RALY: variants seen among roughly 807,000 people sequenced by gnomAD.
The protein encoded by RALY is RALY heterogeneous nuclear ribonucleoprotein, also known as RNA-binding protein Raly.
A neutral mutation model predicts 30.7 loss-of-function variants in RALY; 15 were observed. That is an observed-to-expected ratio of 0.49 (90% CI 0.33 to 0.75). The LOEUF is 0.75. Ranked by LOEUF, RALY falls within the 30% of genes least tolerant of loss-of-function variation. The pLI is 0.02. For missense variants in RALY, 339 were observed against 414.3 expected (o/e 0.82, Z 1.58); for synonymous variants, 177 against 170.8 (o/e 1.04, Z -0.28).
intron 6 of RALY, chr20:34,076,338 A>G (rs1183852916): frequency 5.9e-6 from 3 of 504,744 alleles, no homozygotes; most frequent in African/African-American, 5.8e-5. Context: ...CTCCACATTC[A>G]CTCTGGTACA....
At chr20:34,020,741 T>G (rs2031788153) in intron 1 of RALY, among the ~76,000 whole-genome samples, 1 of 152,212 alleles carries the variant, frequency 6.6e-6, no homozygotes, top group Admixed American at 6.5e-5. Context: ...CAAAGCCTAA[T>G]TACTATCTGA....
intron 2 of RALY, among the ~76,000 whole-genome samples, chr20:34,068,103 T>G (rs1393206017): frequency 6.6e-6 from 1 of 152,048 alleles, no homozygotes; most frequent in Non-Finnish European, 1.5e-5. Context: ...TAGGAATAAA[T>G]TTGCTTCTCT....
chr20:34,056,820 A>G (rs1381046740), intron 2 of RALY, among the ~76,000 whole-genome samples: 1 of 152,230 alleles, frequency 6.6e-6, no homozygotes. Flanking sequence ...TTCATTGGAG[A>G]TAACAGTGTA....
chr20:34,006,890 A>AT (rs535334174), intron 1 of RALY, among the ~76,000 whole-genome samples: 89 of 152,358 alleles, frequency 5.8e-4, no homozygotes, highest in Non-Finnish European at 1.0e-3. Flanking sequence ...TAAGTGATGC[A>AT]TGAGTGTAGT....
Position 34,080,443 on chromosome 20 carries a change from G to A in RALY, c.*538G>A, listed in dbSNP as rs2034010942. On this transcript the variant is annotated 3_prime_UTR_variant, in exon 10 of 10. Coordinates refer to ENST00000246194, the MANE Select transcript of RALY (RefSeq NM_016732.3). Reference sequence around the variant, plus strand: ...GGATATGCTGGCCCATGAGCATCTTGCTGGCTGAAGTGTCAAGCAGTTGTG... The same window carrying A: ...GGATATGCTGGCCCATGAGCATCTTACTGGCTGAAGTGTCAAGCAGTTGTG... 6.6e-6 allele frequency: 1 copy of A among 152,448 alleles called. No homozygotes were observed. Among genetic ancestry groups the A allele is most frequent in the Non-Finnish European group, 1.5e-5 (1 of 68,200 alleles). 9.4% of individuals were successfully genotyped at this position (152,448 alleles called of 1,614,324 possible). A position where few individuals can be genotyped will look rare whatever the true frequency, so the allele number is the denominator to read the frequency against.
intron 8 of RALY, 145 bp from the exon 9 acceptor site, chr20:34,078,360 C>A: frequency 3.2e-6 from 2 of 627,872 alleles, no homozygotes; most frequent in South Asian, 5.0e-5. Flanking sequence ...GTCCCATAGT[C>A]ATTCCCCTTG....
At chr20:34,044,904 A>G (rs939184919) in intron 2 of RALY, among the ~76,000 whole-genome samples, 2 of 152,162 alleles carry the variant, frequency 1.3e-5, no homozygotes, top group Non-Finnish European at 2.9e-5. Flanking sequence ...GACTGCCTTC[A>G]TGGAACTTGT....
At position 34,072,085 on chromosome 20, in the gene RALY, A is replaced by G. The variant is rs745490038; in HGVS notation, c.11A>G (p.Lys4Arg). The change falls in exon 3 of 10, where the codon AAG (lysine) becomes AGG (arginine). Residue 4 changes from lysine to arginine, a missense_variant. Coordinates refer to ENST00000246194, the MANE Select transcript of RALY (RefSeq NM_016732.3). ...CTTCAGGTGGGCACCATGTCCTTGA[A>G]GCTTCAGGCAAGCAATGTAACCAAC... The part of the protein sequence containing the change: MSL[K>R]LQASNVTNKN... 1 of 1,614,132 alleles carries G rather than the reference A, an allele frequency of 6.2e-7. No homozygotes were observed.
At chr20:33,997,976 T>G (rs1273694495) in intron 1 of RALY, among the ~76,000 whole-genome samples, 1 of 152,244 alleles carries the variant, frequency 6.6e-6, no homozygotes, top group Non-Finnish European at 1.5e-5. Flanking sequence ...GTCAGTGTGT[T>G]GAATTTATTG....
chr20:34,077,124 G>A lies in RALY; in HGVS notation c.755G>A (p.Ser252Asn). ...AGTGGTGGTGGCGGTGGCGGTGGCA[G>A]CAGCCGGCCACCAGCCCCCCAAGAG... is the stretch of plus-strand genomic sequence containing the variant. ...GGSGGGGGGG[S>N]SRPPAPQENT... Residue 252 changes from serine (S) to asparagine (N), a missense_variant, in exon 8 of 10, where the codon AGC becomes AAC. Transcript: ENST00000246194. 3.1e-6 allele frequency: 5 copies of A among 1,607,576 alleles called. No homozygotes were observed. The highest frequency in any genetic ancestry group is 4.2e-6 in the Non-Finnish European group (5 of 1,176,920).
At chr20:34,064,084 CAGAT>C (rs1601494472) in intron 2 of RALY, among the ~76,000 whole-genome samples, 1 of 152,084 alleles carries the variant, frequency 6.6e-6, no homozygotes, top group Non-Finnish European at 1.5e-5. Context: ...TAATTACAAT[CAGAT>C]GGATAAGTCT....
At chr20:33,996,985 A>AT (rs1203038776) in intron 1 of RALY, among the ~76,000 whole-genome samples, 1 of 152,190 alleles carries the variant, frequency 6.6e-6, no homozygotes, top group Non-Finnish European at 1.5e-5. Flanking sequence ...GAGATGTGGC[A>AT]TGCAGCTCCA....
intron 1 of RALY, among the ~76,000 whole-genome samples, chr20:34,031,008 T>C (rs2032246984): frequency 6.6e-6 from 1 of 151,016 alleles, no homozygotes; most frequent in Non-Finnish European, 1.5e-5. Flanking sequence ...TTTGCTTCCC[T>C]TCCCTCCCTC....
chr20:34,011,365 T>G (rs2031392481), intron 1 of RALY, among the ~76,000 whole-genome samples: 1 of 152,208 alleles, frequency 6.6e-6, no homozygotes, highest in African/African-American at 2.4e-5. Context: ...TTTTTAAAAG[T>G]GAGATCTGAT....
chr20:34,018,112 A>G (rs1039348897), intron 1 of RALY, among the ~76,000 whole-genome samples: 49 of 152,242 alleles, frequency 3.2e-4, no homozygotes, highest in African/African-American at 1.2e-3. Context: ...AATTACTGGT[A>G]AAGGGGTGGG....
Position 34,080,562 on chromosome 20 carries a change from T to G in RALY, c.*657T>G, listed in dbSNP as rs947619231. 2 of 152,212 alleles carry G rather than the reference T, an allele frequency of 1.3e-5. No individual in the cohort carries two copies. Among genetic ancestry groups the G allele is most frequent in the African/African-American group, 2.4e-5 (1 of 41,394 alleles). The allele number at this position is 152,212 out of a possible 1,614,324, so 9.4% of individuals were successfully genotyped here. The stretch of plus-strand genomic sequence containing the variant: ...CCCAGCTCTTAAAAGGATTCTAGAG[T>G]CTGCCAGTCTCTACCTTCTCTCTTC... On this transcript the variant is annotated 3_prime_UTR_variant, in exon 10 of 10. Transcript: ENST00000246194.
At chr20:34,007,820 C>CAAAAAA (rs10649045) in intron 1 of RALY, among the ~76,000 whole-genome samples, 13 of 101,584 alleles carry the variant, frequency 1.3e-4, no homozygotes, top group African/African-American at 4.6e-4. Flanking sequence ...AACTCCGTCT[C>CAAAAAA]AAAAAAAAAA....
chr20:34,077,519 G>A, intron 8 of RALY: 1 of 598,630 alleles, frequency 1.7e-6, no homozygotes, highest in Non-Finnish European at 2.8e-6. Flanking sequence ...TTGGAGAATG[G>A]GAGATTCGGA....
intron 1 of RALY, among the ~76,000 whole-genome samples, chr20:33,997,371 C>T (rs972699385): frequency 6.6e-6 from 1 of 152,186 alleles, no homozygotes; most frequent in Admixed American, 6.5e-5. Flanking sequence ...CTGTCTTGGC[C>T]TTCCAAAGTG....
Sources: gnomAD v4.1 joint callset for allele counts (sites outside exome capture counted in the v4.1 genomes callset) on GRCh38, gnomAD v4.1.1 for gene constraint, MANE v1.5 for transcripts, NCBI Gene and HGNC (gene_info 2026-07-23, HGNC 2026-07-21) for gene names.